The following CREB5 variants were observed in gnomAD, a reference collection of about 807,000 sequenced individuals.
CREB5 encodes the protein cAMP responsive element binding protein 5.
A neutral mutation model predicts 57.1 loss-of-function variants in CREB5; 19 were observed. The observed-to-expected ratio is 0.33, with a 90% CI of 0.23 to 0.49. The LOEUF (loss-of-function observed/expected upper bound fraction) is 0.49. CREB5 is among the 20% of genes least tolerant of loss of function. The pLI is 0.99. For synonymous variants in CREB5, 238 were observed against 238.3 expected, an observed-to-expected ratio of 1.00 and a Z score of 0.01; for missense variants, 579 against 671.6, an observed-to-expected ratio of 0.86 and a Z score of 1.52.
At chr7:28,326,083 T>A (rs1434200697) in intron 1 of CREB5, among the ~76,000 whole-genome samples, 2 of 152,212 alleles carry the variant, frequency 1.3e-5, no homozygotes, top group Non-Finnish European at 2.9e-5. Context: ...GGGCTCTAGA[T>A]GTACTCATTG....
At chr7:28,319,509 G>C (rs1409320132) in intron 1 of CREB5, among the ~76,000 whole-genome samples, 1 of 152,174 alleles carries the variant, frequency 6.6e-6, no homozygotes, top group African/African-American at 2.4e-5. Context: ...ATAAAGAGGA[G>C]GCTGGACTTC....
chr7:28,419,074 G>C (rs1788132580), intron 1 of CREB5, among the ~76,000 whole-genome samples: 1 of 152,204 alleles, frequency 6.6e-6, no homozygotes, highest in South Asian at 2.1e-4. Context: ...CATGGAATCT[G>C]TTTTAAAAGT....
At chr7:28,566,103 T>C (rs1432134903) in intron 4 of CREB5, among the ~76,000 whole-genome samples, 1 of 152,192 alleles carries the variant, frequency 6.6e-6, no homozygotes, top group South Asian at 2.1e-4. Flanking sequence ...TTGTCAATTT[T>C]CCCCCTAAAA....
At chr7:28,495,539 C>CAAAA (rs11396874) in intron 3 of CREB5, among the ~76,000 whole-genome samples, 7 of 142,170 alleles carry the variant, frequency 4.9e-5, no homozygotes, top group African/African-American at 1.6e-4. Context: ...AACTCCGTCT[C>CAAAA]AAAAAAAAAA....
chr7:28,310,777 C>T (rs1385487769), intron 1 of CREB5, among the ~76,000 whole-genome samples: 2 of 152,164 alleles, frequency 1.3e-5, no homozygotes, highest in East Asian at 1.9e-4. Context: ...TTTACCTCTA[C>T]GTGCTTCAGT....
At chr7:28,396,794 A>G (rs948552905) in intron 1 of CREB5, among the ~76,000 whole-genome samples, 3 of 152,192 alleles carry the variant, frequency 2.0e-5, no homozygotes, top group Non-Finnish European at 4.4e-5. Context: ...CATTGCAAAA[A>G]TAAAGCCATA....
At chr7:28,798,778 T>C (rs192242753) in intron 7 of CREB5, among the ~76,000 whole-genome samples, 27 of 152,382 alleles carry the variant, frequency 1.8e-4, no homozygotes, top group African/African-American at 6.3e-4. Flanking sequence ...ATCATTTTTC[T>C]TTCTTTCTTG....
rs1251854959 is a variant in CREB5 at position 28,317,268 on chromosome 7, A to G, written c.-25+17827A>G. On this transcript the variant is annotated intron_variant, in intron 1 of 9. Coordinates refer to the CREB5 transcript ENST00000396299. The stretch of plus-strand genomic sequence containing the variant: ...AGTGTAATGCAGAGAACTCTTCATC[A>G]GTGTGAAACCAGGGTGGGCACCAGC... Among the ~76,000 whole-genome samples the G allele has an allele frequency of 8.5e-5, 13 of 152,182 alleles. No homozygotes were observed. In the East Asian group the frequency reaches 2.5e-3, roughly 29 times the overall value.
At position 28,752,188 on chromosome 7, in the gene CREB5, C is replaced by T. The variant is rs142659599; in HGVS notation, c.702+27856C>T. Among the ~76,000 whole-genome samples, 1,392 of 152,138 alleles carry T rather than the reference C, an allele frequency of 9.1e-3. 10 individuals are homozygous for T. The highest frequency in any genetic ancestry group is 0.051 in the Middle Eastern group (15 of 294). On this transcript the variant is annotated intron_variant, in intron 7 of 10. Transcript: ENST00000357727. Reference sequence around the variant, plus strand: ...TTTGTAATTTTTTCTTTTTTTGGAACGGAGTTTCACTCTTGTTGCCCAGGC... The same window carrying T: ...TTTGTAATTTTTTCTTTTTTTGGAATGGAGTTTCACTCTTGTTGCCCAGGC...
At chr7:28,494,475 T>G (rs2128598425) in intron 2 of CREB5, among the ~76,000 whole-genome samples, 1 of 152,288 alleles carries the variant, frequency 6.6e-6, no homozygotes, top group Middle Eastern at 3.4e-3. Flanking sequence ...AACCCATAGC[T>G]CCTAAAGAAA....
intron 5 of CREB5, among the ~76,000 whole-genome samples, chr7:28,613,076 C>T (rs577597011): frequency 1.3e-5 from 2 of 152,190 alleles, no homozygotes; most frequent in South Asian, 2.1e-4. Context: ...AATCGATAAA[C>T]GTGTGTGTGC....
At chr7:28,679,404 T>A (rs1472191780) in intron 5 of CREB5, among the ~76,000 whole-genome samples, 1 of 152,120 alleles carries the variant, frequency 6.6e-6, no homozygotes, top group Non-Finnish European at 1.5e-5. Context: ...ACCAGTGGCT[T>A]AGGGGTTCCA....
intron 5 of CREB5, among the ~76,000 whole-genome samples, chr7:28,698,363 A>C (rs910572654): frequency 1.4e-5 from 2 of 146,136 alleles, no homozygotes; most frequent in Non-Finnish European, 3.1e-5. Context: ...CCAAAAAAAA[A>C]AAAAAAAACA....
intron 5 of CREB5, among the ~76,000 whole-genome samples, chr7:28,704,734 G>A (rs1802023389): frequency 6.6e-6 from 1 of 152,154 alleles, no homozygotes. Flanking sequence ...TGGGATTACA[G>A]ATGTGAGCCA....
intron 5 of CREB5, among the ~76,000 whole-genome samples, chr7:28,636,127 T>C (rs1161246654): frequency 2.0e-5 from 3 of 152,252 alleles, no homozygotes; most frequent in Non-Finnish European, 4.4e-5. Context: ...TATATTTTCA[T>C]ATTCTTTTCT....
At chr7:28,712,777 G>A (rs141106114) in intron 5 of CREB5, among the ~76,000 whole-genome samples, 6 of 151,594 alleles carry the variant, frequency 4.0e-5, no homozygotes, top group African/African-American at 1.2e-4. Context: ...CAAGCAATCC[G>A]CCTGTCTCGT....
chr7:28,376,298 G>A (rs1481471630), intron 1 of CREB5, among the ~76,000 whole-genome samples: 1 of 143,874 alleles, frequency 7.0e-6, no homozygotes, highest in African/African-American at 2.6e-5. Flanking sequence ...TTGAGACGGA[G>A]TCTTGCTCTG....
rs1554293490 is a variant in CREB5, at chr7:28,736,824, C to CTCTT, written c.702+12493_702+12494insCTTT. 4.9e-3 allele frequency among the ~76,000 whole-genome samples: 667 copies of CTCTT among 134,808 alleles called. 7 individuals are homozygous for CTCTT. Among genetic ancestry groups the CTCTT allele is most frequent in the African/African-American group, 0.016 (588 of 36,610 alleles). The allele number at this position is 134,808 out of a possible 152,430, so 88.4% of individuals were successfully genotyped here. On this transcript the variant is annotated intron_variant, in intron 7 of 10. Transcript: ENST00000357727. ...ATGTACTTAGGCTCTCTCTCTCTCT[C>CTCTT]TTTTTTTTTTTTTTTTTAACAGTAG...
At chr7:28,481,062 T>G (rs1205632294) in intron 1 of CREB5, among the ~76,000 whole-genome samples, 1 of 152,138 alleles carries the variant, frequency 6.6e-6, no homozygotes, top group East Asian at 1.9e-4. Flanking sequence ...GCCACATAAA[T>G]AAAACCACAA....
Sources: gnomAD v4.1 joint callset for allele counts (sites outside exome capture counted in the v4.1 genomes callset) on GRCh38, gnomAD v4.1.1 for gene constraint, MANE v1.5 for transcripts, NCBI Gene and HGNC (gene_info 2026-07-23, HGNC 2026-07-21) for gene names.